RBFOX1: variants seen among roughly 807,000 people sequenced by gnomAD.
The protein encoded by RBFOX1 is RNA binding fox-1 homolog 1.
Under a neutral mutation model 57.7 loss-of-function variants are expected in RBFOX1, and 8 were observed. The ratio of observed to expected loss-of-function variants is 0.14; its 90% CI spans 0.08 to 0.25. The LOEUF (loss-of-function observed/expected upper bound fraction) is 0.25, where lower values mean the gene tolerates loss of function less well. Ranked by LOEUF, RBFOX1 falls within the 10% of genes least tolerant of loss-of-function variation. RBFOX1 has a pLI of 1.00. For synonymous variants in RBFOX1, 326 were observed against 222.4 expected (o/e 1.47, Z -4.15); for missense variants, 611 against 548.5 (o/e 1.11, Z -1.14).
intron 2 of RBFOX1, among the ~76,000 whole-genome samples, chr16:6,346,842 C>T (rs1278645730): frequency 6.6e-6 from 1 of 151,946 alleles, no homozygotes; most frequent in African/African-American, 2.4e-5. Flanking sequence ...ACCAGAATAA[C>T]CTCTTGACAA....
At chr16:6,353,431 T>A (rs1599978117) in intron 2 of RBFOX1, among the ~76,000 whole-genome samples, 1 of 151,904 alleles carries the variant, frequency 6.6e-6, no homozygotes, top group Non-Finnish European at 1.5e-5. Flanking sequence ...TACTGACAAA[T>A]ATAACTTGTC....
chr16:5,414,583 G>T (rs1254682964), intron 1 of RBFOX1, among the ~76,000 whole-genome samples: 1 of 152,092 alleles, frequency 6.6e-6, no homozygotes, highest in African/African-American at 2.4e-5. Flanking sequence ...ATCGTGGGTT[G>T]GTGTCCAGCT....
chr16:7,043,027 G>T (rs189277869), intron 3 of RBFOX1, among the ~76,000 whole-genome samples: 1 of 151,796 alleles, frequency 6.6e-6, no homozygotes, highest in Non-Finnish European at 1.5e-5. Flanking sequence ...AAGTTCCTTC[G>T]CTTCCATCCT....
intron 2 of RBFOX1, among the ~76,000 whole-genome samples, chr16:6,581,116 C>G (rs7194539): frequency 4.6e-5 from 7 of 151,318 alleles, no homozygotes; most frequent in East Asian, 3.9e-4. Flanking sequence ...CCCATATACT[C>G]TAAGTGCCAG....
Position 5,946,646 on chromosome 16 carries a change from T to A in RBFOX1, c.351+79311T>A, listed in dbSNP as rs1480678587. Among the ~76,000 whole-genome samples, 3 of 152,178 alleles carry A rather than the reference T, an allele frequency of 2.0e-5. No homozygotes were observed. Among genetic ancestry groups the A allele is most frequent in the Non-Finnish European group, 4.4e-5 (3 of 68,042 alleles). On this transcript the variant is annotated intron_variant, in intron 4 of 19. Transcript: ENST00000641259. The surrounding 1 kb of genome is among the most constrained non-coding windows in gnomAD (Gnocchi z 4.6). ...TTCTGTGAGCCGTGCTAGGCAACTA[T>A]TGAACCAGAGAAGGGGGTTATGAGA...
At chr16:6,479,733 C>G (rs1379675147) in intron 2 of RBFOX1, among the ~76,000 whole-genome samples, 3 of 151,938 alleles carry the variant, frequency 2.0e-5, no homozygotes, top group South Asian at 2.1e-4. Flanking sequence ...GAATTATGGC[C>G]TCTTACAGAA....
intron 3 of RBFOX1, among the ~76,000 whole-genome samples, chr16:6,726,715 C>T (rs1452138209): frequency 1.3e-5 from 2 of 152,140 alleles, no homozygotes; most frequent in African/African-American, 2.4e-5. Flanking sequence ...TGCGTTTTCT[C>T]TTCCTTCTGC....
intron 3 of RBFOX1, among the ~76,000 whole-genome samples, chr16:5,719,260 G>A (rs1230592791): frequency 6.8e-6 from 1 of 147,604 alleles, no homozygotes; most frequent in African/African-American, 2.5e-5. Flanking sequence ...GGAGTGCAGT[G>A]GCACGATCTC....
intron 4 of RBFOX1, among the ~76,000 whole-genome samples, chr16:7,093,515 G>A (rs2061202445): frequency 6.6e-6 from 1 of 152,134 alleles, no homozygotes; most frequent in Non-Finnish European, 1.5e-5. Flanking sequence ...TAAGTCAGAG[G>A]TACCCACTTA....
At chr16:5,820,175 G>A (rs564594068) in intron 3 of RBFOX1, among the ~76,000 whole-genome samples, 1 of 152,194 alleles carries the variant, frequency 6.6e-6, no homozygotes, top group Non-Finnish European at 1.5e-5. Context: ...AGGAAGCAGA[G>A]CTCATGGGGA....
At chr16:5,690,797 A>G (rs2050652614) in intron 3 of RBFOX1, among the ~76,000 whole-genome samples, 1 of 152,168 alleles carries the variant, frequency 6.6e-6, no homozygotes, top group Non-Finnish European at 1.5e-5. Flanking sequence ...AAACCTGACC[A>G]TGCCTAGGCT....
At chr16:6,789,925 ATAAT>A (rs1248800087) in intron 3 of RBFOX1, among the ~76,000 whole-genome samples, 2 of 151,876 alleles carry the variant, frequency 1.3e-5, no homozygotes, top group East Asian at 3.9e-4. Context: ...AATTAGATCT[ATAAT>A]TATTCTCTTC....
intron 1 of RBFOX1, among the ~76,000 whole-genome samples, chr16:5,312,452 G>A (rs141516417): frequency 6.6e-6 from 1 of 152,126 alleles, no homozygotes; most frequent in Non-Finnish European, 1.5e-5. Context: ...CTGAGTAGCT[G>A]GGATTACAGG....
chr16:5,247,646 A>G (rs2062336133), intron 1 of RBFOX1, among the ~76,000 whole-genome samples: 1 of 152,114 alleles, frequency 6.6e-6, no homozygotes, highest in African/African-American at 2.4e-5. Flanking sequence ...TTCAGTGCAT[A>G]TTGTCTGTGG....
At chr16:6,241,366 T>A (rs1042585722) in intron 1 of RBFOX1, among the ~76,000 whole-genome samples, 1 of 152,216 alleles carries the variant, frequency 6.6e-6, no homozygotes, top group Non-Finnish European at 1.5e-5. Flanking sequence ...CATACTGTTG[T>A]GAGCATTGAA....
chr16:6,148,357 G>C (rs1230105914), intron 1 of RBFOX1, among the ~76,000 whole-genome samples: 2 of 152,146 alleles, frequency 1.3e-5, no homozygotes, highest in Non-Finnish European at 2.9e-5. Context: ...CTGCCAATGT[G>C]CTGGTCATAC....
chr16:5,257,342 A>T (rs2062613711), intron 1 of RBFOX1, among the ~76,000 whole-genome samples: 1 of 152,206 alleles, frequency 6.6e-6, no homozygotes. Context: ...AGGTTTTGCC[A>T]GTTACATGCT....
intron 4 of RBFOX1, among the ~76,000 whole-genome samples, chr16:7,117,069 T>G (rs1471731323): frequency 6.6e-6 from 1 of 152,042 alleles, no homozygotes. Flanking sequence ...CAGCTATAAA[T>G]ACTCAAAAGC....
chr16:5,300,498 A>G (rs1286471084), intron 1 of RBFOX1, among the ~76,000 whole-genome samples: 2 of 152,166 alleles, frequency 1.3e-5, no homozygotes, highest in African/African-American at 4.8e-5. Context: ...CATTCCCCAA[A>G]AACCAGCTGA....
Sources: gnomAD v4.1 joint callset for allele counts (sites outside exome capture counted in the v4.1 genomes callset) on GRCh38, gnomAD v4.1.1 for gene constraint, Gnocchi (gnomAD v3.1) non-coding constraint, MANE v1.5 for transcripts, NCBI Gene and HGNC (gene_info 2026-07-23, HGNC 2026-07-21) for gene names.